Variants in LRRC63 observed in about 807,000 individuals in gnomAD.
LRRC63 encodes the protein leucine rich repeat containing 63.
In LRRC63, 40 loss-of-function variants were observed where a neutral mutation model predicts 49.5. The observed-to-expected ratio is 0.81, with a 90% CI of 0.63 to 1.05. The LOEUF (loss-of-function observed/expected upper bound fraction) is 1.05, where lower values mean the gene tolerates loss of function less well. Among genes scored for constraint, LRRC63 ranks in the 50% least tolerant of loss-of-function variants. The pLI, the probability that LRRC63 is intolerant of heterozygous loss-of-function variation, is 0.00. For synonymous variants in LRRC63, 191 were observed against 221.1 expected (o/e 0.86, Z 1.21); for missense variants, 636 against 663.1 (o/e 0.96, Z 0.45).
At chr13:46,270,227 G>A (rs757111331) in intron 9 of LRRC63, 66 of 869,444 alleles carry the variant, frequency 7.6e-5, no homozygotes, top group Non-Finnish European at 1.3e-4. Flanking sequence ...CATCACATTG[G>A]CAGAATCTCA....
intron 7 of LRRC63, among the ~76,000 whole-genome samples, chr13:46,252,740 T>C (rs189590538): frequency 1.3e-5 from 2 of 152,064 alleles, no homozygotes; most frequent in Admixed American, 1.3e-4. Context: ...ATAGGGTGGA[T>C]ATTTCTTCAA....
chr13:46,249,064 A>C (rs1228773081), intron 6 of LRRC63, among the ~76,000 whole-genome samples: 1 of 151,928 alleles, frequency 6.6e-6, no homozygotes, highest in Non-Finnish European at 1.5e-5. Flanking sequence ...ATAAGTTATA[A>C]GTGAAATTAG....
intron 2 of LRRC63, among the ~76,000 whole-genome samples, chr13:46,226,953 C>G (rs1201145112): frequency 6.6e-6 from 1 of 152,170 alleles, no homozygotes; most frequent in East Asian, 1.9e-4. Context: ...AGAATGCAAG[C>G]TCAGTGGATT....
At chr13:46,248,060 T>C (rs930947953) in intron 6 of LRRC63, among the ~76,000 whole-genome samples, 1 of 152,036 alleles carries the variant, frequency 6.6e-6, no homozygotes, top group Non-Finnish European at 1.5e-5. Context: ...AGTATAAATC[T>C]GAAGTAAATT....
At position 46,257,659 on chromosome 13, in the gene LRRC63, G is replaced by A. The variant is rs566202524; in HGVS notation, c.1227-4250G>A. ...TGAGAAAGGGACACTGGAACAAAGT[G>A]GGGGTTTGTGATGTAAATTTAGCAG... On this transcript the variant is annotated intron_variant, in intron 7 of 9. Transcript: ENST00000595396. 9.1e-4 allele frequency among the ~76,000 whole-genome samples: 139 copies of A among 152,260 alleles called. 1 individual carries two copies. The highest frequency in any genetic ancestry group is 2.9e-3 in the African/African-American group (122 of 41,568).
intron 4 of LRRC63, among the ~76,000 whole-genome samples, chr13:46,231,997 A>G (rs1013148724): frequency 6.6e-6 from 1 of 151,030 alleles, no homozygotes; most frequent in African/African-American, 2.4e-5. Context: ...TTGTATTTTT[A>G]GTAGAGACGG....
At chr13:46,245,554 A>G (rs1200062878) in intron 5 of LRRC63, among the ~76,000 whole-genome samples, 1 of 152,224 alleles carries the variant, frequency 6.6e-6, no homozygotes, top group Non-Finnish European at 1.5e-5. Flanking sequence ...CTAGAAAAGT[A>G]CCAAATATTT....
At chr13:46,234,121 A>G in intron 4 of LRRC63, 71 bp from the exon 5 acceptor site, 2 of 1,361,050 alleles carry the variant, frequency 1.5e-6, no homozygotes, top group South Asian at 1.4e-5. Flanking sequence ...CATAAGATAA[A>G]TACCTCTTAA....
chr13:46,229,356 A>G (rs949446587), intron 4 of LRRC63, among the ~76,000 whole-genome samples: 1 of 152,234 alleles, frequency 6.6e-6, no homozygotes, highest in African/African-American at 2.4e-5. Context: ...GTAGCTATTG[A>G]AGGAACTGGA....
chr13:46,251,344 A>G (rs1384525991), intron 7 of LRRC63, among the ~76,000 whole-genome samples: 1 of 151,908 alleles, frequency 6.6e-6, no homozygotes, highest in Non-Finnish European at 1.5e-5. Flanking sequence ...TTCTGTATAA[A>G]ATGCATATAC....
At chr13:46,234,594 A>G (rs746515566) in intron 5 of LRRC63, among the ~76,000 whole-genome samples, 16 of 152,182 alleles carry the variant, frequency 1.1e-4, no homozygotes, top group Non-Finnish European at 2.2e-4. Context: ...AGAGAATTTG[A>G]ATTCAGATTT....
chr13:46,246,522 TTTAGGGCTTTTTTA>T lies in LRRC63; in HGVS notation c.991-3_1001del, dbSNP rs1456988327. On this transcript the variant is annotated splice_acceptor_variant and splice_polypyrimidine_tract_variant and coding_sequence_variant and intron_variant, in exon 6 of 10. Transcript: ENST00000595396. LOFTEE classifies it high-confidence loss of function. ...AACACCTTATCTCTTGTCACTTTCT[TTTAGGGCTTTTTTA>T]TCCTAAATTGTCCAGACTTAACACC... The T allele has an allele frequency of 4.9e-6, 7 of 1,425,416 alleles. No homozygotes were observed. In the South Asian group the frequency reaches 6.1e-5, roughly 12 times the overall value. The allele number at this position is 1,425,416 out of a possible 1,614,324, so 88.3% of individuals were successfully genotyped here.
chr13:46,222,837 T>G (rs1411591461), intron 2 of LRRC63, among the ~76,000 whole-genome samples: 1 of 151,846 alleles, frequency 6.6e-6, no homozygotes, highest in African/African-American at 2.4e-5. Flanking sequence ...ATAGACTGGA[T>G]TAAGAAAATG....
chr13:46,256,489 C>G (rs137875363), intron 7 of LRRC63, among the ~76,000 whole-genome samples: 1 of 152,140 alleles, frequency 6.6e-6, no homozygotes, highest in African/African-American at 2.4e-5. Flanking sequence ...CTGATTATTC[C>G]CAGGCCTTGA....
At chr13:46,247,271 T>G (rs2047240711) in intron 6 of LRRC63, among the ~76,000 whole-genome samples, 1 of 152,160 alleles carries the variant, frequency 6.6e-6, no homozygotes, top group South Asian at 2.1e-4. Flanking sequence ...TTTCCATACT[T>G]TCTCTATAAT....
At chr13:46,247,798 A>T (rs1449454896) in intron 6 of LRRC63, among the ~76,000 whole-genome samples, 1 of 152,150 alleles carries the variant, frequency 6.6e-6, no homozygotes, top group Non-Finnish European at 1.5e-5. Context: ...CCACTAAAAT[A>T]GTTTCAGATG....
At chr13:46,212,828 T>C (rs2046133317) in intron 1 of LRRC63, among the ~76,000 whole-genome samples, 174 bp from the exon 2 acceptor site, 1 of 152,222 alleles carries the variant, frequency 6.6e-6, no homozygotes, top group African/African-American at 2.4e-5. Flanking sequence ...TTTCTATTAA[T>C]AGAAGTTTTA....
chr13:46,248,905 CAAT>C (rs1382700379), intron 6 of LRRC63, among the ~76,000 whole-genome samples: 1 of 131,428 alleles, frequency 7.6e-6, no homozygotes, highest in African/African-American at 3.1e-5. Context: ...AAATCAGTCT[CAAT>C]AAATTTAAAA....
Position 46,225,885 on chromosome 13 carries a change from A to G in LRRC63, c.86-1627A>G, listed in dbSNP as rs546364980. On this transcript the variant is annotated intron_variant, in intron 2 of 9. Coordinates refer to ENST00000595396, the Ensembl canonical transcript of LRRC63. Reference sequence around the variant, plus strand: ...CAGACTGTGTCCCTTCTCCAAGCTCAACCTAGGCCTGCTAATTCTTACACA... The same window carrying G: ...CAGACTGTGTCCCTTCTCCAAGCTCGACCTAGGCCTGCTAATTCTTACACA... 8.5e-4 allele frequency among the ~76,000 whole-genome samples: 129 copies of G among 152,278 alleles called. 2 individuals are homozygous for G. The highest frequency in any genetic ancestry group is 6.8e-3 in the Middle Eastern group (2 of 294).
Sources: allele counts gnomAD v4.1 joint callset (sites outside exome capture counted in the v4.1 genomes callset), GRCh38; gene constraint gnomAD v4.1.1; transcripts MANE v1.5; gene names NCBI Gene and HGNC (gene_info 2026-07-23, HGNC 2026-07-21).